The following GPC5 variants were observed in gnomAD, a reference collection of about 807,000 sequenced individuals.
GPC5 encodes glypican-5.
A neutral mutation model predicts 53.9 loss-of-function variants in GPC5; 47 were observed. The ratio of observed to expected loss-of-function variants is 0.87; its 90% CI spans 0.69 to 1.11. The LOEUF (loss-of-function observed/expected upper bound fraction) is 1.11. GPC5 is among the 50% of genes most tolerant of loss of function. The pLI is 0.00. For synonymous variants in GPC5, 286 were observed against 263.3 expected (o/e 1.09, Z -0.84); for missense variants, 748 against 713.1 (o/e 1.05, Z -0.56).
chr13:92,353,689 G>C (rs1343235070), intron 7 of GPC5, among the ~76,000 whole-genome samples: 2 of 152,032 alleles, frequency 1.3e-5, no homozygotes, highest in African/African-American at 4.8e-5. Context: ...ATGCACAAAA[G>C]TTTAAGATTA....
chr13:91,671,796 A>AC (rs1334598418), intron 2 of GPC5, among the ~76,000 whole-genome samples: 1 of 149,392 alleles, frequency 6.7e-6, no homozygotes, highest in Admixed American at 6.7e-5. Context: ...AAAAAAAAAA[A>AC]AAAAAAAAAC....
At chr13:91,524,236 A>T (rs1226449820) in intron 2 of GPC5, among the ~76,000 whole-genome samples, 1 of 152,118 alleles carries the variant, frequency 6.6e-6, no homozygotes. Flanking sequence ...TGGGATTAGA[A>T]CCTGTACATC....
At chr13:92,013,530 A>C (rs1158419423) in intron 6 of GPC5, among the ~76,000 whole-genome samples, 1 of 152,186 alleles carries the variant, frequency 6.6e-6, no homozygotes, top group East Asian at 1.9e-4. Flanking sequence ...TTGATTGGCA[A>C]AAAGGCATTA....
intron 7 of GPC5, among the ~76,000 whole-genome samples, chr13:92,393,314 T>C (rs1875109306): frequency 6.6e-6 from 1 of 152,050 alleles, no homozygotes; most frequent in South Asian, 2.1e-4. Flanking sequence ...GAAAACCAAA[T>C]AGCACATGTT....
At chr13:91,912,804 T>G (rs2039622485) in intron 6 of GPC5, among the ~76,000 whole-genome samples, 1 of 152,232 alleles carries the variant, frequency 6.6e-6, no homozygotes, top group African/African-American at 2.4e-5. Context: ...CATCTTTTTT[T>G]TCCTTGTAAT....
intron 7 of GPC5, among the ~76,000 whole-genome samples, chr13:92,605,600 T>TTTTTTTTA (rs1440542010): frequency 6.6e-6 from 1 of 151,210 alleles, no homozygotes; most frequent in African/African-American, 2.5e-5. Flanking sequence ...TTTATTTTTT[T>TTTTTTTTA]GAGACGGAGT....
At chr13:92,789,249 G>A (rs1289838937) in intron 7 of GPC5, among the ~76,000 whole-genome samples, 1 of 152,018 alleles carries the variant, frequency 6.6e-6, no homozygotes, top group African/African-American at 2.4e-5. Context: ...CTTGTTAGGG[G>A]GGTCAGTTGT....
At chr13:91,615,702 C>T (rs1330769314) in intron 2 of GPC5, among the ~76,000 whole-genome samples, 1 of 152,184 alleles carries the variant, frequency 6.6e-6, no homozygotes, top group Non-Finnish European at 1.5e-5. Flanking sequence ...AGACCTCTGT[C>T]TCCAAAATAG....
At chr13:92,698,069 A>T (rs940877204) in intron 7 of GPC5, among the ~76,000 whole-genome samples, 1 of 152,178 alleles carries the variant, frequency 6.6e-6, no homozygotes, top group Admixed American at 6.5e-5. Context: ...ATGGTGGATA[A>T]GCTTTTTGAT....
intron 2 of GPC5, among the ~76,000 whole-genome samples, chr13:91,492,597 A>C (rs1261296893): frequency 8.5e-5 from 13 of 152,190 alleles, no homozygotes; most frequent in Admixed American, 8.5e-4. Flanking sequence ...GATGATGCCC[A>C]CACATTGTGG....
chr13:91,960,370 G>A (rs2040115833), intron 6 of GPC5, among the ~76,000 whole-genome samples: 1 of 151,878 alleles, frequency 6.6e-6, no homozygotes, highest in Non-Finnish European at 1.5e-5. Context: ...ATTTAACCAA[G>A]AAGGTGAAAG....
At chr13:91,473,381 G>A (rs773446488) in intron 2 of GPC5, among the ~76,000 whole-genome samples, 6 of 152,086 alleles carry the variant, frequency 3.9e-5, no homozygotes, top group Non-Finnish European at 5.9e-5. Flanking sequence ...AGCAATAGAA[G>A]TATAGTTCAA....
intron 6 of GPC5, among the ~76,000 whole-genome samples, chr13:92,066,203 C>T (rs1463897443): frequency 6.6e-6 from 1 of 151,976 alleles, no homozygotes; most frequent in Admixed American, 6.6e-5. Flanking sequence ...AAGTTGCTCT[C>T]CTCATGCTAA....
chr13:92,705,380 G>A (rs1594437444), intron 7 of GPC5, among the ~76,000 whole-genome samples: 1 of 152,166 alleles, frequency 6.6e-6, no homozygotes, highest in East Asian at 1.9e-4. Flanking sequence ...TTTATTCTGA[G>A]TAAGTTTTTA....
chr13:91,780,736 A>G (rs1196203936), intron 5 of GPC5, among the ~76,000 whole-genome samples: 2 of 152,208 alleles, frequency 1.3e-5, no homozygotes, highest in Non-Finnish European at 2.9e-5. Flanking sequence ...TTTTATTTGA[A>G]CACTTGCATA....
intron 6 of GPC5, among the ~76,000 whole-genome samples, chr13:91,980,117 A>G (rs957233388): frequency 3.3e-5 from 5 of 152,354 alleles, no homozygotes; most frequent in African/African-American, 9.6e-5. Context: ...TCCAAAGTTT[A>G]GTCCATACCT....
intron 7 of GPC5, among the ~76,000 whole-genome samples, chr13:92,778,347 T>C (rs1875892583): frequency 6.6e-6 from 1 of 152,196 alleles, no homozygotes. Flanking sequence ...GTGCCATTAT[T>C]CTAAGGAGAG....
At chr13:92,834,125 C>A (rs540661386) in intron 7 of GPC5, among the ~76,000 whole-genome samples, 1 of 152,176 alleles carries the variant, frequency 6.6e-6, no homozygotes, top group East Asian at 1.9e-4. Flanking sequence ...TAGCGAGACT[C>A]CGTGATTGAT....
intron 5 of GPC5, 101 bp from the exon 6 acceptor site, chr13:91,907,836 C>T: frequency 8.2e-7 from 1 of 1,221,714 alleles, no homozygotes; most frequent in South Asian, 1.3e-5. Context: ...TTGGTGTATT[C>T]TCTAAAGGAG....
Sources: allele counts gnomAD v4.1 joint callset (sites outside exome capture counted in the v4.1 genomes callset), GRCh38; gene constraint gnomAD v4.1.1; transcripts MANE v1.5; gene names NCBI Gene and HGNC (gene_info 2026-07-23, HGNC 2026-07-21).